The following POLR2M variants were observed in gnomAD, a reference collection of about 807,000 sequenced individuals.
POLR2M encodes the protein RNA polymerase II subunit M.
A neutral mutation model predicts 34.6 loss-of-function variants in POLR2M; 30 were observed. That is an observed-to-expected ratio of 0.87 (90% CI 0.65 to 1.18). The LOEUF is 1.18. Among genes scored for constraint, POLR2M ranks in the 50% most tolerant of loss-of-function variants. POLR2M has a pLI of 0.00. For synonymous variants in POLR2M, 150 were observed against 166.7 expected (o/e 0.90, Z 0.77); for missense variants, 432 against 448.7 (o/e 0.96, Z 0.34).
chr15:57,711,556 T>C (rs2040713966), intron 2 of POLR2M, among the ~76,000 whole-genome samples: 1 of 152,208 alleles, frequency 6.6e-6, no homozygotes, highest in South Asian at 2.1e-4. Context: ...TCCAAGACTG[T>C]TCAAAGCTTT....
At chr15:57,712,698 C>T (rs940948394) in intron 3 of POLR2M, among the ~76,000 whole-genome samples, 1 of 152,176 alleles carries the variant, frequency 6.6e-6, no homozygotes, top group African/African-American at 2.4e-5. Context: ...TCTGCAGGCC[C>T]ATGTGAAGAG....
chr15:57,709,095 A>G lies in POLR2M; in HGVS notation c.495A>G (p.Ser165=), dbSNP rs1372683919. ...ASSNRDRVPP[S]SEASEHHPRH... ...GCAATAGAGACAGGGTACCACCTTC[A>G]TCTGAAGCTAGTGAGCATCACCCGC... is the stretch of plus-strand genomic sequence containing the variant. Residue 165 remains serine (S), a synonymous_variant, in exon 2 of 4, where the codon TCA becomes TCG. Transcript: ENST00000299638. 1 of 1,614,202 alleles carries G rather than the reference A, an allele frequency of 6.2e-7. No individual in the cohort carries two copies. Among genetic ancestry groups the G allele is most frequent in the South Asian group, 1.1e-5 (1 of 91,082 alleles).
chr15:57,710,101 A>C (rs527602063), intron 2 of POLR2M, among the ~76,000 whole-genome samples: 2 of 152,366 alleles, frequency 1.3e-5, no homozygotes, highest in South Asian at 4.1e-4. Context: ...TAAGAGCTAC[A>C]TGAGGACCCA....
In POLR2M at chr15:57,706,768, C is replaced by T; in HGVS notation, c.-75C>T. On this transcript the variant is annotated 5_prime_UTR_variant, in exon 1 of 4. Coordinates refer to ENST00000299638, the MANE Select transcript of POLR2M (RefSeq NM_015532.5). Reference sequence around the variant, plus strand: ...CGTGCCCCGGAGTCACCGCCGTCCGCGGATCCGGCGCTAGTAGCGGGGCCT... The same window carrying T: ...CGTGCCCCGGAGTCACCGCCGTCCGTGGATCCGGCGCTAGTAGCGGGGCCT... The T allele has an allele frequency of 2.7e-6, 4 of 1,498,332 alleles. No individual in the cohort carries two copies. The highest frequency in any genetic ancestry group is 1.4e-5 in the African/African-American group (1 of 71,550). The allele number at this position is 1,498,332 out of a possible 1,614,324, so 92.8% of individuals were successfully genotyped here. A position where few individuals can be genotyped will look rare whatever the true frequency, so the allele number is the denominator to read the frequency against.
intron 1 of POLR2M, chr15:57,707,371 GT>G: frequency 1.4e-6 from 1 of 701,036 alleles, no homozygotes; most frequent in Non-Finnish European, 2.6e-6. Context: ...ATGAAGAGGG[GT>G]TTATTAGGCC....
chr15:57,707,804 G>A (rs1409224073), intron 1 of POLR2M, among the ~76,000 whole-genome samples: 1 of 152,204 alleles, frequency 6.6e-6, no homozygotes. Flanking sequence ...TGGAGAAGTA[G>A]TCATGAGGCT....
At chr15:57,707,365 A>C in intron 1 of POLR2M, 1 of 707,066 alleles carries the variant, frequency 1.4e-6, no homozygotes, top group South Asian at 1.5e-5. Context: ...TGGGATATGA[A>C]GAGGGGTTTA....
At chr15:57,713,927 C>T (rs1318333530) in intron 3 of POLR2M, among the ~76,000 whole-genome samples, 8 of 144,808 alleles carry the variant, frequency 5.5e-5, no homozygotes, top group South Asian at 2.2e-4. Flanking sequence ...CTGCAAGCTC[C>T]GCCTCCCGGG....
Position 57,709,066 on chromosome 15 carries a change from T to G in POLR2M, c.466T>G (p.Ser156Ala). The G allele has an allele frequency of 6.2e-7, 1 of 1,614,098 alleles. No homozygotes were observed. Among genetic ancestry groups the G allele is most frequent in the Non-Finnish European group, 8.5e-7 (1 of 1,180,028 alleles). Residue 156 changes from serine (S) to alanine (A), a missense_variant, in exon 2 of 4, where the codon TCC (serine) becomes GCC (alanine). By Grantham distance (99) the Ser-to-Ala change is moderately conservative. Coordinates refer to ENST00000299638, the MANE Select transcript of POLR2M (RefSeq NM_015532.5). Reference protein sequence around the residue: ...VEYTVNKGPASSNRDRVPPSS... With the variant: ...VEYTVNKGPAASNRDRVPPSS... ...GTACACAGTGAATAAGGGCCCAGCT[T>G]CCAGCAATAGAGACAGGGTACCACC... is the stretch of plus-strand genomic sequence containing the variant.
In POLR2M at chr15:57,717,194, G is replaced by A. The variant is rs2040980345; in HGVS notation, c.*2515G>A. 1 of 152,058 alleles carries A rather than the reference G, an allele frequency of 6.6e-6. No individual in the cohort carries two copies. The highest frequency in any genetic ancestry group is 2.4e-5 in the African/African-American group (1 of 41,404). 9.4% of individuals were successfully genotyped at this position (152,058 alleles called of 1,614,324 possible). Reference sequence around the variant, plus strand: ...TCTTAGGCCAATTTCTGGGCCTTCTGGGTTTTTTCTACACTGTCAATAATT... The same window carrying A: ...TCTTAGGCCAATTTCTGGGCCTTCTAGGTTTTTTCTACACTGTCAATAATT... On this transcript the variant is annotated 3_prime_UTR_variant, in exon 4 of 4. Transcript: ENST00000299638.
intron 1 of POLR2M, among the ~76,000 whole-genome samples, chr15:57,708,180 T>C (rs1332869708): frequency 6.6e-6 from 1 of 152,250 alleles, no homozygotes; most frequent in Non-Finnish European, 1.5e-5. Flanking sequence ...TGTATTTACT[T>C]ATCAGAAATA....
At chr15:57,707,035 T>TG in intron 1 of POLR2M, 80 bp downstream of exon 1, 1 of 1,551,808 alleles carries the variant, frequency 6.4e-7, no homozygotes, top group Non-Finnish European at 8.7e-7. Flanking sequence ...TCCCGCACTC[T>TG]GTTCCCTTCC....
chr15:57,714,773 A>T lies in POLR2M; in HGVS notation c.*94A>T, dbSNP rs2040878587. On this transcript the variant is annotated 3_prime_UTR_variant, in exon 4 of 4. Transcript: ENST00000299638. ...GATCAGTGTCAGATATTGTTGAGGG[A>T]AGTAATTTTATAAAGTTACACAAAG... 1.3e-6 allele frequency: 2 copies of T among 1,531,228 alleles called. No homozygotes were observed. Among genetic ancestry groups the T allele is most frequent in the South Asian group, 2.5e-5 (2 of 78,596 alleles). 94.9% of individuals were successfully genotyped at this position (1,531,228 alleles called of 1,614,324 possible).
At chr15:57,707,204 G>A (rs192742731) in intron 1 of POLR2M, 1,218 of 1,448,056 alleles carry the variant, frequency 8.4e-4, no homozygotes, top group Non-Finnish European at 1.0e-3. Flanking sequence ...GGAGTTAGTA[G>A]CCCCTGGTCG....
intron 2 of POLR2M, among the ~76,000 whole-genome samples, chr15:57,711,337 T>C (rs2040703630): frequency 1.3e-5 from 2 of 152,256 alleles, no homozygotes; most frequent in Admixed American, 1.3e-4. Flanking sequence ...TCTCCACTGC[T>C]GCCAGAGTGA....
At chr15:57,711,483 T>G (rs1032325707) in intron 2 of POLR2M, among the ~76,000 whole-genome samples, 38 of 152,240 alleles carry the variant, frequency 2.5e-4, no homozygotes, top group Non-Finnish European at 5.3e-4. Context: ...CTTCTGTACT[T>G]TCTCTCACTC....
rs185521473 is a variant in POLR2M at position 57,715,622 on chromosome 15, T to C, written c.*943T>C. On this transcript the variant is annotated 3_prime_UTR_variant, in exon 4 of 4. Transcript: ENST00000299638. The stretch of plus-strand genomic sequence containing the variant: ...TAAAATTGAATTGTCAGTACTTTAC[T>C]TTTTTCCCCCCAAATAGGTATATAT... 7.1e-6 allele frequency: 1 copy of C among 140,134 alleles called. No homozygotes were observed. The highest frequency in any genetic ancestry group is 1.7e-5 in the Non-Finnish European group (1 of 60,394). The allele number at this position is 140,134 out of a possible 1,614,324, so 8.7% of individuals were successfully genotyped here.
intron 3 of POLR2M, among the ~76,000 whole-genome samples, chr15:57,714,228 C>T (rs1336862772): frequency 1.3e-5 from 2 of 152,094 alleles, no homozygotes; most frequent in Non-Finnish European, 2.9e-5. Context: ...CCATATTTAA[C>T]GCATCTGTAT....
chr15:57,706,931 G>T lies in POLR2M; in HGVS notation c.89G>T (p.Arg30Leu). 1 of 1,603,872 alleles carries T rather than the reference G, an allele frequency of 6.2e-7. No individual in the cohort carries two copies. The highest frequency in any genetic ancestry group is 8.5e-7 in the Non-Finnish European group (1 of 1,175,270). Reference sequence around the variant, plus strand: ...GTGGAGCTGCGGGAAATGTTGAAGCGCCAGGAGAGACTTTTGCGCAACGAG... The same window carrying T: ...GTGGAGCTGCGGGAAATGTTGAAGCTCCAGGAGAGACTTTTGCGCAACGAG... ...SLVELREMLKRQERLLRNEKF... is the reference protein window; with the variant it reads ...SLVELREMLKLQERLLRNEKF... The change falls in exon 1 of 4, where the codon CGC becomes CTC. Residue 30 changes from arginine (R) to leucine (L), a missense_variant. Arg to Leu is a moderately radical substitution (Grantham distance 102). Transcript: ENST00000299638.
Sources: gnomAD v4.1 joint callset for allele counts (sites outside exome capture counted in the v4.1 genomes callset) on GRCh38, gnomAD v4.1.1 for gene constraint, MANE v1.5 for transcripts, NCBI Gene and HGNC (gene_info 2026-07-23, HGNC 2026-07-21) for gene names.